Variants in MCTP2 observed in about 807,000 individuals in gnomAD.
MCTP2 encodes the protein multiple C2 and transmembrane domain containing 2.
In MCTP2, 132 loss-of-function variants were observed where a neutral mutation model predicts 111.6. The observed-to-expected ratio is 1.18, with a 90% CI of 1.03 to 1.37. The LOEUF (loss-of-function observed/expected upper bound fraction) is 1.37. Ranked by LOEUF, MCTP2 falls within the 40% of genes most tolerant of loss-of-function variation. MCTP2 has a pLI of 0.00. For synonymous variants in MCTP2, 395 were observed against 387.7 expected (o/e 1.02, Z -0.22); for missense variants, 1,183 against 1,067.9 (o/e 1.11, Z -1.50).
chr15:94,367,614 G>T lies in MCTP2; in HGVS notation c.1311G>T (p.Val437=). Residue 437 remains valine (V), a synonymous_variant, in exon 11 of 23, where the codon GTG becomes GTT. Coordinates refer to ENST00000357742, the MANE Select transcript of MCTP2 (RefSeq NM_001385001.1). Reference sequence around the variant, plus strand: ...CCTGAAACTTTTCTAGGTGTAAAGTGGATATCTCGGCACTCCCTCTGAAGC... The same window carrying T: ...CCTGAAACTTTTCTAGGTGTAAAGTTGATATCTCGGCACTCCCTCTGAAGC... The part of the protein sequence containing the change: ...KHEERLGTCK[V]DISALPLKQA... 1.9e-6 allele frequency: 3 copies of T among 1,610,430 alleles called. No individual in the cohort carries two copies. The East Asian group carries it at 6.7e-5, about 36-fold the overall frequency.
chr15:94,444,847 T>A (rs1373206791), intron 19 of MCTP2, among the ~76,000 whole-genome samples: 1 of 152,192 alleles, frequency 6.6e-6, no homozygotes, highest in Non-Finnish European at 1.5e-5. Context: ...CAAGCCTGTT[T>A]AAATGAACCA....
intron 12 of MCTP2, among the ~76,000 whole-genome samples, chr15:94,383,697 A>G (rs892113215): frequency 3.3e-5 from 5 of 152,324 alleles, no homozygotes; most frequent in African/African-American, 4.8e-5. Context: ...AACCGCCCCC[A>G]TGATTCAATT....
At chr15:94,407,113 A>G (rs2152481784) in intron 17 of MCTP2, among the ~76,000 whole-genome samples, 1 of 152,294 alleles carries the variant, frequency 6.6e-6, no homozygotes, top group African/African-American at 2.4e-5. Context: ...AGATCCAATC[A>G]TGTATGGGTG....
rs377347679 is a variant in MCTP2 at position 94,340,225 on chromosome 15, T to A, written c.807T>A (p.Ser269=). 2.5e-5 allele frequency: 40 copies of A among 1,613,056 alleles called. No individual in the cohort carries two copies. The highest frequency in any genetic ancestry group is 2.0e-4 in the East Asian group (9 of 44,800). ...VKVYDRDLTT[S]DFMGSAFVIL... is the part of the protein sequence containing the mutation. ...TATATGATCGAGATTTAACCACATC[T>A]GATTTCATGGGTTCTGCATTTGTCA... Residue 269 remains serine, a synonymous_variant, in exon 6 of 23, where the codon TCT becomes TCA. Coordinates refer to ENST00000357742, the MANE Select transcript of MCTP2 (RefSeq NM_001385001.1).
chr15:94,381,546 A>C (rs1473690908), intron 12 of MCTP2, among the ~76,000 whole-genome samples: 2 of 152,206 alleles, frequency 1.3e-5, no homozygotes, highest in Admixed American at 6.5e-5. Flanking sequence ...ACCAGGCAGC[A>C]TCTCTGCCCT....
At chr15:94,318,391 C>G (rs747076295) in intron 4 of MCTP2, among the ~76,000 whole-genome samples, 7 of 151,216 alleles carry the variant, frequency 4.6e-5, no homozygotes, top group Non-Finnish European at 8.8e-5. Flanking sequence ...TCAAGCGATT[C>G]TCCTGCCTCA....
intron 19 of MCTP2, among the ~76,000 whole-genome samples, chr15:94,452,414 A>G (rs1318390100): frequency 6.6e-6 from 1 of 152,226 alleles, no homozygotes; most frequent in Non-Finnish European, 1.5e-5. Context: ...GAGGATTCAC[A>G]AAAGCCATCA....
intron 14 of MCTP2, among the ~76,000 whole-genome samples, chr15:94,390,228 T>C (rs2080874818): frequency 6.6e-6 from 1 of 151,434 alleles, no homozygotes; most frequent in African/African-American, 2.4e-5. Context: ...AATAGTTCTT[T>C]ATATAGATAT....
Position 94,244,101 on chromosome 15 carries a change from CAT to C in MCTP2, c.-66+12440_-66+12441del, listed in dbSNP as rs748317736. Among the ~76,000 whole-genome samples, 102 of 117,490 alleles carry C rather than the reference CAT, an allele frequency of 8.7e-4. 1 individual carries two copies. Among genetic ancestry groups the C allele is most frequent in the Non-Finnish European group, 1.6e-3 (86 of 52,788 alleles). The allele number at this position is 117,490 out of a possible 152,430, so 77.1% of individuals were successfully genotyped here. On this transcript the variant is annotated intron_variant, in intron 1 of 22. Coordinates refer to ENST00000357742, the MANE Select transcript of MCTP2 (RefSeq NM_001385001.1). ...TTATGCACACATATGTATACACATACATATGTGTATATGTTTATATACACATG... is the reference window on the plus strand; with the variant it reads ...TTATGCACACATATGTATACACATACATGTGTATATGTTTATATACACATG...
At chr15:94,277,464 C>G (rs1236871900) in intron 1 of MCTP2, among the ~76,000 whole-genome samples, 2 of 152,014 alleles carry the variant, frequency 1.3e-5, no homozygotes, top group African/African-American at 4.8e-5. Context: ...TATGGCACAT[C>G]TAGACAATAG....
intron 4 of MCTP2, among the ~76,000 whole-genome samples, chr15:94,330,624 G>C (rs945434289): frequency 6.6e-6 from 1 of 151,832 alleles, no homozygotes; most frequent in African/African-American, 2.4e-5. Context: ...ACTTTACATG[G>C]GGCCCTCGTT....
intron 11 of MCTP2, among the ~76,000 whole-genome samples, chr15:94,369,602 T>A (rs1402913505): frequency 6.6e-6 from 1 of 151,286 alleles, no homozygotes; most frequent in Non-Finnish European, 1.5e-5. Context: ...ACCAGAAAAT[T>A]CACTGTTTCT....
intron 17 of MCTP2, among the ~76,000 whole-genome samples, chr15:94,434,957 G>A (rs1257060321): frequency 1.3e-5 from 2 of 150,956 alleles, no homozygotes; most frequent in Non-Finnish European, 1.5e-5. Context: ...TCCGCTCCTC[G>A]GGTTCAAGCG....
intron 1 of MCTP2, among the ~76,000 whole-genome samples, chr15:94,267,904 C>T (rs559636066): frequency 3.8e-5 from 3 of 78,996 alleles, no homozygotes; most frequent in South Asian, 4.2e-4. Flanking sequence ...CTTGCTCTGT[C>T]GCCCAGGCTA....
At chr15:94,478,393 G>T (rs2074539006) in intron 22 of MCTP2, among the ~76,000 whole-genome samples, 1 of 152,202 alleles carries the variant, frequency 6.6e-6, no homozygotes, top group Admixed American at 6.5e-5. Flanking sequence ...ATAACACAGT[G>T]ACAGTTTGCC....
chr15:94,480,532 T>G lies in MCTP2; in HGVS notation c.*1498T>G, dbSNP rs574097106. ...CTGGAAAAGAGCCTTGCAGAAATTA[T>G]AAAAGCTCCAGTAAATCTCGTAGTT... On this transcript the variant is annotated 3_prime_UTR_variant, in exon 23 of 23. Coordinates refer to ENST00000357742, the MANE Select transcript of MCTP2 (RefSeq NM_001385001.1). 2 of 152,342 alleles carry G rather than the reference T, an allele frequency of 1.3e-5. No individual in the cohort carries two copies. The highest frequency in any genetic ancestry group is 3.9e-4 in the East Asian group (2 of 5,176). The allele number at this position is 152,342 out of a possible 1,614,324, so 9.4% of individuals were successfully genotyped here.
chr15:94,405,004 A>T (rs2081832264), intron 17 of MCTP2, among the ~76,000 whole-genome samples: 1 of 152,196 alleles, frequency 6.6e-6, no homozygotes, highest in African/African-American at 2.4e-5. Context: ...CCTTGGCATG[A>T]CAGGGCAGAA....
chr15:94,360,903 A>G (rs2078896103), intron 10 of MCTP2, among the ~76,000 whole-genome samples: 1 of 151,088 alleles, frequency 6.6e-6, no homozygotes, highest in Admixed American at 6.6e-5. Context: ...AGTACAAAAG[A>G]TAACAAAAGT....
intron 4 of MCTP2, among the ~76,000 whole-genome samples, chr15:94,336,695 G>GTATGTATGTGCATATA (rs2077378899): frequency 8.0e-6 from 1 of 125,260 alleles, no homozygotes; most frequent in Non-Finnish European, 1.7e-5. Flanking sequence ...ATATATATAT[G>GTATGTATGTGCATATA]TATGTATGTG....
Sources: allele counts gnomAD v4.1 joint callset (sites outside exome capture counted in the v4.1 genomes callset), GRCh38; gene constraint gnomAD v4.1.1; transcripts MANE v1.5; gene names NCBI Gene and HGNC (gene_info 2026-07-23, HGNC 2026-07-21).